The following SP140 variants were observed in gnomAD, a reference collection of about 807,000 sequenced individuals.
The protein encoded by SP140 is SP140 nuclear body protein, also known as nuclear body protein SP140.
SP140 carries 81 observed loss-of-function variants against 125.0 expected under a neutral mutation model. That is an observed-to-expected ratio of 0.65 (90% CI 0.54 to 0.78). The LOEUF (loss-of-function observed/expected upper bound fraction) is 0.78, where lower values mean the gene tolerates loss of function less well. SP140 is among the 30% of genes least tolerant of loss of function. The pLI, the probability that SP140 is intolerant of heterozygous loss-of-function variation, is 0.00. For synonymous variants in SP140, 312 were observed against 354.0 expected, an observed-to-expected ratio of 0.88 and a Z score of 1.33; for missense variants, 858 against 1,037.0, an observed-to-expected ratio of 0.83 and a Z score of 2.37.
chr2:230,263,371 C>A (rs181141875), intron 12 of SP140, among the ~76,000 whole-genome samples: 1 of 152,192 alleles, frequency 6.6e-6, no homozygotes, highest in East Asian at 1.9e-4. Context: ...AGGTGAGTCT[C>A]CTGAAGGCAG....
chr2:230,227,366 C>T (rs1267498950), intron 1 of SP140, among the ~76,000 whole-genome samples: 1 of 152,192 alleles, frequency 6.6e-6, no homozygotes, highest in Non-Finnish European at 1.5e-5. Flanking sequence ...CAGCGGAGCT[C>T]AAAGTCCAGC....
chr2:230,202,859 AC>A, upstream of SP140: 1 of 845,348 alleles, frequency 1.2e-6, no homozygotes, highest in Non-Finnish European at 2.0e-6. Flanking sequence ...CCTGTACCTC[AC>A]TTTTCTCCTC....
rs2059438522 is a variant in SP140, at chr2:230,312,999, AC to A, written c.*317del. The A allele has an allele frequency of 3.7e-6, 1 of 267,514 alleles. No homozygotes were observed. The highest frequency in any genetic ancestry group is 7.2e-6 in the Non-Finnish European group (1 of 139,768). The allele number at this position is 267,514 out of a possible 1,614,324, so 16.6% of individuals were successfully genotyped here. On this transcript the variant is annotated 3_prime_UTR_variant, in exon 27 of 27. Transcript: ENST00000392045. The stretch of plus-strand genomic sequence containing the variant: ...CCAGACAACATTTATTACCCAGAAG[AC>A]CTTTTGTCTGAAAACCAGCCAAGCT...
At position 230,294,262 on chromosome 2, in the gene SP140, G is replaced by C; in HGVS notation, c.1969-9G>C. ...GCTGACCATATACCTGAATCTTTTT[G>C]TCTTTCAGAATGGATTTCTGCCTGA... On this transcript the variant is annotated splice_polypyrimidine_tract_variant and intron_variant, in intron 20 of 26. Transcript: ENST00000392045. 1 of 1,612,050 alleles carries C rather than the reference G, an allele frequency of 6.2e-7. No homozygotes were observed. Among genetic ancestry groups the C allele is most frequent in the Non-Finnish European group, 8.5e-7 (1 of 1,178,422 alleles).
chr2:230,253,209 A>G lies in SP140; in HGVS notation c.1058-107A>G, dbSNP rs549463177. 115 of 774,664 alleles carry G rather than the reference A, an allele frequency of 1.5e-4. No homozygotes were observed. The African/African-American group carries it at 1.8e-3, about 12-fold the overall frequency. The allele number at this position is 774,664 out of a possible 1,614,324, so 48.0% of individuals were successfully genotyped here. On this transcript the variant is annotated intron_variant, in intron 10 of 26. Coordinates refer to ENST00000392045, the MANE Select transcript of SP140 (RefSeq NM_007237.5). Reference sequence around the variant, plus strand: ...AAGGAGAAAGAGGAGATGTAACAAGATGGAGAAAAGGCGGAACAAGACAGG... The same window carrying G: ...AAGGAGAAAGAGGAGATGTAACAAGGTGGAGAAAAGGCGGAACAAGACAGG...
At chr2:230,264,056 C>T (rs879241540) in intron 12 of SP140, among the ~76,000 whole-genome samples, 1 of 152,128 alleles carries the variant, frequency 6.6e-6, no homozygotes, top group African/African-American at 2.4e-5. Context: ...ATTATTCCCC[C>T]AAATATGTTT....
intron 18 of SP140, among the ~76,000 whole-genome samples, chr2:230,290,114 A>G (rs2056944311): frequency 6.6e-6 from 1 of 152,162 alleles, no homozygotes; most frequent in Non-Finnish European, 1.5e-5. Flanking sequence ...CCTGCAGCAA[A>G]ACAGCATAGC....
chr2:230,253,833 C>T (rs968587373), intron 11 of SP140, among the ~76,000 whole-genome samples: 1 of 152,180 alleles, frequency 6.6e-6, no homozygotes, highest in African/African-American at 2.4e-5. Context: ...TGAATGCTTG[C>T]AATTGAGAAA....
At chr2:230,240,058 G>A (rs890716374) in intron 3 of SP140, among the ~76,000 whole-genome samples, 1 of 152,120 alleles carries the variant, frequency 6.6e-6, no homozygotes, top group Non-Finnish European at 1.5e-5. Context: ...CTCAGACTAT[G>A]AGTAGAAATG....
upstream of SP140, chr2:230,200,952 G>A (rs1241373815): frequency 6.2e-7 from 1 of 1,612,696 alleles, no homozygotes. Context: ...TTTCTGAAGT[G>A]CCATCAATGA....
At chr2:230,221,722 CA>C (rs1284666128), upstream of SP140, 68 of 1,535,984 alleles carry the variant, frequency 4.4e-5, no homozygotes, top group Middle Eastern at 3.3e-4. Context: ...CCCTCCCCAT[CA>C]CCTGGAAAGC....
intron 9 of SP140, among the ~76,000 whole-genome samples, chr2:230,249,885 A>T (rs2050092527): frequency 6.6e-6 from 1 of 152,164 alleles, no homozygotes; most frequent in African/African-American, 2.4e-5. Flanking sequence ...AGACAGTGGC[A>T]CAGAAGCATA....
At chr2:230,190,201 C>T in the SP140 span, among the ~76,000 whole-genome samples, 1 of 152,200 alleles carries the variant, frequency 6.6e-6, no homozygotes, top group African/African-American at 2.4e-5. Flanking sequence ...TTCTCCACAG[C>T]CTCACCAGCA....
In SP140 at chr2:230,237,510, C is replaced by T. The variant is rs1481668801; in HGVS notation, c.237+250C>T. 2.7e-6 allele frequency: 1 copy of T among 375,584 alleles called. No homozygotes were observed. The highest frequency in any genetic ancestry group is 2.1e-5 in the African/African-American group (1 of 47,544). The allele number at this position is 375,584 out of a possible 1,614,324, so 23.3% of individuals were successfully genotyped here. ...GAATGCTGTATGGGTGCAGATCATCCTAGGTACTTGTAAACAATCTACTAA... is the reference window on the plus strand; with the variant it reads ...GAATGCTGTATGGGTGCAGATCATCTTAGGTACTTGTAAACAATCTACTAA... On this transcript the variant is annotated intron_variant, in intron 2 of 26. Transcript: ENST00000392045. The surrounding 1 kb of genome is among the most constrained non-coding windows in gnomAD (Gnocchi z 5.4).
chr2:230,212,304 C>A, intron 1 of SP140: 1 of 1,430,310 alleles, frequency 7.0e-7, no homozygotes, highest in South Asian at 1.1e-5. Context: ...TCTCCCTTCA[C>A]AGTCACCTTG....
At chr2:230,302,298 G>T (rs992784382) in intron 22 of SP140, among the ~76,000 whole-genome samples, 2 of 152,168 alleles carry the variant, frequency 1.3e-5, no homozygotes, top group Admixed American at 6.5e-5. Context: ...GGAAGCTGAG[G>T]CAGGAGAATG....
At chr2:230,272,294 C>T (rs142892853) in intron 15 of SP140, among the ~76,000 whole-genome samples, 70 of 152,266 alleles carry the variant, frequency 4.6e-4, no homozygotes, top group African/African-American at 1.6e-3. Flanking sequence ...CTGGAGATAT[C>T]ATGCTACCCA....
the SP140 span, among the ~76,000 whole-genome samples, chr2:230,187,320 A>G: frequency 6.6e-6 from 1 of 152,028 alleles, no homozygotes; most frequent in Middle Eastern, 3.4e-3. Flanking sequence ...TATGTCTATT[A>G]ATGTCATTTG....
At chr2:230,223,663 C>T (rs1316449280), upstream of SP140, among the ~76,000 whole-genome samples, 1 of 152,188 alleles carries the variant, frequency 6.6e-6, no homozygotes, top group Non-Finnish European at 1.5e-5. Context: ...GACATAAAAA[C>T]AGTGAACATC....
Sources: gnomAD v4.1 joint callset for allele counts (sites outside exome capture counted in the v4.1 genomes callset) on GRCh38, gnomAD v4.1.1 for gene constraint, Gnocchi (gnomAD v3.1) non-coding constraint, MANE v1.5 for transcripts, NCBI Gene and HGNC (gene_info 2026-07-23, HGNC 2026-07-21) for gene names.